Variants in MEGF9 observed in about 807,000 individuals in gnomAD.
MEGF9 encodes multiple EGF like domains 9.
In MEGF9, 6 loss-of-function variants were observed where a neutral mutation model predicts 46.8. The ratio of observed to expected loss-of-function variants is 0.13; its 90% CI spans 0.07 to 0.25. The LOEUF is 0.25. Ranked by LOEUF, MEGF9 falls within the 10% of genes least tolerant of loss-of-function variation. The pLI is 1.00. For missense variants in MEGF9, 683 were observed against 792.4 expected (o/e 0.86, Z 1.66); for synonymous variants, 302 against 330.7 (o/e 0.91, Z 0.94).
At chr9:120,624,347 C>G (rs2043514151) in intron 2 of MEGF9, among the ~76,000 whole-genome samples, 1 of 152,110 alleles carries the variant, frequency 6.6e-6, no homozygotes, top group Non-Finnish European at 1.5e-5. Flanking sequence ...TCTGCCTCAG[C>G]CCCTCAAGTA....
intron 1 of MEGF9, among the ~76,000 whole-genome samples, chr9:120,705,856 T>C (rs957363173): frequency 1.3e-5 from 2 of 151,160 alleles, no homozygotes; most frequent in Non-Finnish European, 3.0e-5. Flanking sequence ...GCCTAAGTGA[T>C]CACAGAAGAG....
chr9:120,637,371 A>G (rs1321921511), intron 2 of MEGF9, among the ~76,000 whole-genome samples: 1 of 151,966 alleles, frequency 6.6e-6, no homozygotes. Flanking sequence ...CTATCGTCCT[A>G]TGACCCTGCC....
intron 2 of MEGF9, among the ~76,000 whole-genome samples, chr9:120,647,076 A>T (rs2043629012): frequency 6.6e-6 from 1 of 152,184 alleles, no homozygotes; most frequent in African/African-American, 2.4e-5. Context: ...TAACATGTTT[A>T]ATCAACGGCA....
chr9:120,667,450 A>G (rs2132326419), intron 1 of MEGF9, among the ~76,000 whole-genome samples: 1 of 152,344 alleles, frequency 6.6e-6, no homozygotes, highest in South Asian at 2.1e-4. Context: ...GTATAGGATT[A>G]CTATCCTTTT....
intron 1 of MEGF9, among the ~76,000 whole-genome samples, chr9:120,670,029 AAGTCT>A (rs1462521633): frequency 3.3e-5 from 5 of 152,206 alleles, no homozygotes; most frequent in Non-Finnish European, 1.5e-5. Context: ...AGAAAGAGAG[AAGTCT>A]AGTCTAGATT....
rs993554401 is a variant in MEGF9, at chr9:120,714,416, G to A, written c.-58C>T. The A allele has an allele frequency of 1.6e-5, 20 of 1,232,348 alleles. No individual in the cohort carries two copies. Among genetic ancestry groups the A allele is most frequent in the Non-Finnish European group, 1.9e-5 (19 of 979,644 alleles). The allele number at this position is 1,232,348 out of a possible 1,614,324, so 76.3% of individuals were successfully genotyped here. On this transcript the variant is annotated 5_prime_UTR_variant, in exon 1 of 6. Coordinates refer to ENST00000373930, the MANE Select transcript of MEGF9 (RefSeq NM_001080497.3). The stretch of plus-strand genomic sequence containing the variant: ...TCCTCGTTGCAATCCGACCAAGGAA[G>A]CCTCCGCAACCGCCGCCGCCACCGC...
chr9:120,627,651 CAG>C (rs1430039508), intron 2 of MEGF9, among the ~76,000 whole-genome samples: 1 of 152,152 alleles, frequency 6.6e-6, no homozygotes. Context: ...TTAGCAGAAA[CAG>C]AGTTTCGTCA....
intron 1 of MEGF9, among the ~76,000 whole-genome samples, chr9:120,706,101 A>G (rs1223117568): frequency 6.6e-6 from 1 of 152,254 alleles, no homozygotes; most frequent in South Asian, 2.1e-4. Context: ...CAGTAAAAAC[A>G]GCACTGCAAT....
chr9:120,713,680 T>C, intron 1 of MEGF9, 78 bp downstream of exon 1: 2 of 1,240,702 alleles, frequency 1.6e-6, no homozygotes, highest in Non-Finnish European at 2.0e-6. Context: ...AACGATAAAT[T>C]ATAGGCAAGA....
Position 120,605,511 on chromosome 9 carries a change from G to A in MEGF9, c.1488C>T (p.Ser496=), listed in dbSNP as rs369120925. ...AAGCTGAAGTGCTGTTTTCAGAAGTGCTTACTGAAAAGATAGTCTGCAGGG... is the reference window on the plus strand; with the variant it reads ...AAGCTGAAGTGCTGTTTTCAGAAGTACTTACTGAAAAGATAGTCTGCAGGG... ...PTTLQTIFSV[S]TSENSTSALA... The change falls in exon 6 of 6, where the codon AGC becomes AGT. Residue 496 remains serine (S), a synonymous_variant. Coordinates refer to ENST00000373930, the MANE Select transcript of MEGF9 (RefSeq NM_001080497.3). The surrounding 1 kb of genome is among the most constrained non-coding windows in gnomAD (Gnocchi z 4.0). 78 of 1,613,816 alleles carry A rather than the reference G, an allele frequency of 4.8e-5. No homozygotes were observed. The highest frequency in any genetic ancestry group is 7.6e-6 in the Non-Finnish European group (9 of 1,179,840).
At position 120,709,865 on chromosome 9, in the gene MEGF9, A is replaced by G. The variant is rs186202091; in HGVS notation, c.601+3893T>C. On this transcript the variant is annotated intron_variant, in intron 1 of 5. Coordinates refer to ENST00000373930, the MANE Select transcript of MEGF9 (RefSeq NM_001080497.3). ...GAAGTTCGAGACCAGCCTGGCCAACATGGTGAAACCCCATCTCTACTAAAA... is the reference window on the plus strand; with the variant it reads ...GAAGTTCGAGACCAGCCTGGCCAACGTGGTGAAACCCCATCTCTACTAAAA... 3.7e-4 allele frequency among the ~76,000 whole-genome samples: 56 copies of G among 152,094 alleles called. No individual in the cohort carries two copies. The East Asian group carries it at 7.9e-3, about 22-fold the overall frequency.
At chr9:120,710,424 TAAAAAAA>T (rs61674473) in intron 1 of MEGF9, among the ~76,000 whole-genome samples, 2 of 100,006 alleles carry the variant, frequency 2.0e-5, no homozygotes, top group Non-Finnish European at 3.8e-5. Flanking sequence ...AACTCCGTCT[TAAAAAAA>T]AAAAAAAAAA....
intron 1 of MEGF9, among the ~76,000 whole-genome samples, chr9:120,664,223 C>A (rs1383961519): frequency 6.6e-6 from 1 of 152,046 alleles, no homozygotes; most frequent in Non-Finnish European, 1.5e-5. Flanking sequence ...GCTCTCTCTT[C>A]ATTCAATTTT....
chr9:120,660,335 T>C (rs1407785815), intron 1 of MEGF9, among the ~76,000 whole-genome samples: 2 of 152,204 alleles, frequency 1.3e-5, no homozygotes, highest in African/African-American at 4.8e-5. Context: ...GCATGCAATG[T>C]GTAATAATCA....
intron 1 of MEGF9, among the ~76,000 whole-genome samples, chr9:120,673,667 T>C (rs895457293): frequency 7.9e-5 from 12 of 151,624 alleles, no homozygotes; most frequent in Admixed American, 7.2e-4. Flanking sequence ...CCACACCTTG[T>C]ATAAAAATTA....
intron 2 of MEGF9, among the ~76,000 whole-genome samples, chr9:120,650,532 A>T (rs144177743): frequency 0.019 from 2,833 of 151,708 alleles, 48 homozygotes; most frequent in Middle Eastern, 0.082. Flanking sequence ...TTTGCACACA[A>T]AGACATTGCT....
Position 120,693,725 on chromosome 9 carries a change from C to T in MEGF9, c.601+20033G>A, listed in dbSNP as rs187428225. Among the ~76,000 whole-genome samples, 128 of 152,160 alleles carry T rather than the reference C, an allele frequency of 8.4e-4. 1 individual carries two copies. Among genetic ancestry groups the T allele is most frequent in the African/African-American group, 2.9e-3 (121 of 41,530 alleles). On this transcript the variant is annotated intron_variant, in intron 1 of 5. Coordinates refer to ENST00000373930, the MANE Select transcript of MEGF9 (RefSeq NM_001080497.3). ...CAAAGCATTTGTAGCAACTCAATAC[C>T]ATTATTTGCTATTGTCTCTATTTCT...
chr9:120,656,950 A>ATTCATTTT (rs1479358668), intron 2 of MEGF9, among the ~76,000 whole-genome samples: 2 of 152,226 alleles, frequency 1.3e-5, no homozygotes, highest in African/African-American at 4.8e-5. Flanking sequence ...AATAAAGGTT[A>ATTCATTTT]AAGTGAACTG....
At chr9:120,632,422 A>G (rs1361141560) in intron 2 of MEGF9, among the ~76,000 whole-genome samples, 1 of 151,662 alleles carries the variant, frequency 6.6e-6, no homozygotes, top group Non-Finnish European at 1.5e-5. Flanking sequence ...GTGTAAAAAC[A>G]GCACTGATTT....
Sources: gnomAD v4.1 joint callset for allele counts (sites outside exome capture counted in the v4.1 genomes callset) on GRCh38, gnomAD v4.1.1 for gene constraint, Gnocchi (gnomAD v3.1) non-coding constraint, MANE v1.5 for transcripts, NCBI Gene and HGNC (gene_info 2026-07-23, HGNC 2026-07-21) for gene names.